The following PTPRS variants were observed in gnomAD, a reference collection of about 807,000 sequenced individuals.
PTPRS encodes protein tyrosine phosphatase receptor type S, also known as receptor-type tyrosine-protein phosphatase S.
PTPRS carries 63 observed loss-of-function variants against 215.3 expected under a neutral mutation model. That is an observed-to-expected ratio of 0.29 (90% CI 0.24 to 0.36). The LOEUF is 0.36. PTPRS is among the 10% of genes least tolerant of loss of function. PTPRS has a pLI of 1.00. For missense variants in PTPRS, 2,258 were observed against 2,825.8 expected (o/e 0.80, Z 4.56); for synonymous variants, 1,404 against 1,191.4 (o/e 1.18, Z -3.68).
chr19:5,306,852 G>A (rs1052046843), intron 1 of PTPRS, among the ~76,000 whole-genome samples: 4 of 152,182 alleles, frequency 2.6e-5, no homozygotes, highest in African/African-American at 9.7e-5. Flanking sequence ...ATTATCTTCC[G>A]AAGTTAAGTT....
At chr19:5,227,638 G>C (rs1382104455) in intron 16 of PTPRS, among the ~76,000 whole-genome samples, 6 of 151,748 alleles carry the variant, frequency 4.0e-5, no homozygotes, top group Non-Finnish European at 2.9e-5. Flanking sequence ...TCGAACTCCT[G>C]ACTTCAGCTG....
intron 13 of PTPRS, 139 bp downstream of exon 13, chr19:5,238,780 G>C: frequency 8.3e-7 from 1 of 1,208,184 alleles, no homozygotes; most frequent in Non-Finnish European, 1.1e-6. Context: ...ATCCGAGGTC[G>C]GGGAACAAAG....
Position 5,222,671 on chromosome 19 carries a change from G to C in PTPRS, c.3103+18C>G. 1 of 1,541,030 alleles carries C rather than the reference G, an allele frequency of 6.5e-7. No individual in the cohort carries two copies. The highest frequency in any genetic ancestry group is 8.7e-7 in the Non-Finnish European group (1 of 1,151,280). On this transcript the variant is annotated intron_variant, in intron 18 of 37. Transcript: ENST00000262963. ...AAGGCCCGGTCCGGCTCTGGTGCAGGGGTCGCCGCGCGCCTACCTTGGTCC... is the reference window on the plus strand; with the variant it reads ...AAGGCCCGGTCCGGCTCTGGTGCAGCGGTCGCCGCGCGCCTACCTTGGTCC...
chr19:5,274,512 C>T (rs1233608094), intron 2 of PTPRS, among the ~76,000 whole-genome samples, 168 bp from the exon 3 acceptor site: 3 of 152,132 alleles, frequency 2.0e-5, no homozygotes, highest in Admixed American at 6.5e-5. Flanking sequence ...CCTCCCACCT[C>T]GCCCCCCACC....
intron 1 of PTPRS, among the ~76,000 whole-genome samples, chr19:5,292,961 G>A (rs971527578): frequency 3.3e-5 from 5 of 152,132 alleles, no homozygotes; most frequent in African/African-American, 1.2e-4. Flanking sequence ...TGAATGGGGG[G>A]GCGCCAGGCA....
intron 1 of PTPRS, among the ~76,000 whole-genome samples, chr19:5,319,460 T>G (rs1007313125): frequency 6.6e-5 from 10 of 151,310 alleles, no homozygotes; most frequent in East Asian, 3.9e-4. Flanking sequence ...TCCACTTGCT[T>G]CTTCTCCCCA....
In PTPRS at chr19:5,258,809, T is replaced by C. The variant is rs189700357; in HGVS notation, c.596-682A>G. Reference sequence around the variant, plus strand: ...TCAAGTATGTTTGAGATCAAAGCCATGGATCCAAGCCTTCTGGCCTGAAAC... The same window carrying C: ...TCAAGTATGTTTGAGATCAAAGCCACGGATCCAAGCCTTCTGGCCTGAAAC... On this transcript the variant is annotated intron_variant, in intron 7 of 37. Coordinates refer to ENST00000262963, the MANE Select transcript of PTPRS (RefSeq NM_002850.4). 3.3e-4 allele frequency among the ~76,000 whole-genome samples: 50 copies of C among 152,330 alleles called. No individual in the cohort carries two copies. In the East Asian group the frequency reaches 8.1e-3, roughly 25 times the overall value.
rs1005268253 is a variant in PTPRS at position 5,229,749 on chromosome 19, G to C, written c.2156-65C>G. 738 of 1,025,248 alleles carry C rather than the reference G, an allele frequency of 7.2e-4. 1 individual carries two copies. The highest frequency in any genetic ancestry group is 1.1e-3 in the Middle Eastern group (3 of 2,798). 63.5% of individuals were successfully genotyped at this position (1,025,248 alleles called of 1,614,324 possible). A position where few individuals can be genotyped will look rare whatever the true frequency, so the allele number is the denominator to read the frequency against. ...TTACCAGGGCGCCCGGCCCTGCCCC[G>C]GGCAGTGCCACTGTCCGATTCCAGG... On this transcript the variant is annotated intron_variant, in intron 14 of 37. Transcript: ENST00000262963.
At chr19:5,233,738 T>TA (rs1379549365) in intron 13 of PTPRS, among the ~76,000 whole-genome samples, 1 of 150,576 alleles carries the variant, frequency 6.6e-6, no homozygotes, top group Non-Finnish European at 1.5e-5. Context: ...GGTCAGGAGT[T>TA]AGAGAGACCA....
At chr19:5,218,838 A>G (rs1344410927) in intron 23 of PTPRS, 40 bp from the exon 24 acceptor site, 1 of 1,573,242 alleles carries the variant, frequency 6.4e-7, no homozygotes, top group Admixed American at 1.8e-5. Flanking sequence ...GGGGGAAAAA[A>G]AGAAGAAAGG....
chr19:5,326,573 C>T (rs912906942), intron 1 of PTPRS, among the ~76,000 whole-genome samples: 3 of 151,934 alleles, frequency 2.0e-5, no homozygotes, highest in Admixed American at 6.6e-5. Flanking sequence ...GTAATCCCAG[C>T]GCTTTGCGAG....
chr19:5,212,347 C>G lies in PTPRS; in HGVS notation c.4759G>C (p.Val1587Leu), dbSNP rs1380942206. 1.1e-5 allele frequency: 18 copies of G among 1,613,144 alleles called. No homozygotes were observed. Among genetic ancestry groups the G allele is most frequent in the Non-Finnish European group, 1.5e-5 (18 of 1,179,686 alleles). The change falls in exon 31 of 38, where the codon GTT (valine) becomes CTT (leucine). Residue 1587 changes from valine to leucine, a missense_variant. By Grantham distance (32) the Val-to-Leu change is conservative (BLOSUM62 1). Around this residue, in one of 6 missense-constraint regions of PTPRS, gnomAD observed 927 missense variants for 1,125.9 expected, o/e 0.82. Transcript: ENST00000262963. ...GTGGGGTGGACGTACCTGCAGTGAA[C>G]CACGATGGGGCCGGCATCTGGCGGG... Reference protein sequence around the residue: ...CNPPDAGPIVVHCSAGVGRTG... With the variant: ...CNPPDAGPIVLHCSAGVGRTG...
chr19:5,230,521 T>C (rs1478735625), intron 14 of PTPRS, among the ~76,000 whole-genome samples: 1 of 152,220 alleles, frequency 6.6e-6, no homozygotes, highest in Admixed American at 6.5e-5. Context: ...TGCAGGGGTA[T>C]GATCACAGCT....
intron 2 of PTPRS, among the ~76,000 whole-genome samples, chr19:5,282,246 G>A (rs957903422): frequency 4.6e-5 from 7 of 152,148 alleles, no homozygotes; most frequent in African/African-American, 1.2e-4. Context: ...ATACCCTCTC[G>A]GTCTTCTCCA....
intron 1 of PTPRS, among the ~76,000 whole-genome samples, chr19:5,325,026 T>G (rs1040818880): frequency 6.6e-6 from 1 of 152,214 alleles, no homozygotes; most frequent in Non-Finnish European, 1.5e-5. Flanking sequence ...ATTTCTCTTT[T>G]CACCTAAGGG....
intron 9 of PTPRS, among the ~76,000 whole-genome samples, chr19:5,253,714 T>G (rs184386743): frequency 6.6e-5 from 10 of 152,310 alleles, no homozygotes; most frequent in Non-Finnish European, 1.2e-4. Flanking sequence ...ACAATTATTT[T>G]TAAAAGTTTC....
intron 1 of PTPRS, among the ~76,000 whole-genome samples, chr19:5,340,350 A>G (rs1469661624): frequency 1.3e-5 from 2 of 150,398 alleles, no homozygotes; most frequent in African/African-American, 4.9e-5. Context: ...GCAGCTTCCA[A>G]TGCCGCGCTC....
intron 36 of PTPRS, 74 bp from the exon 37 acceptor site, chr19:5,208,131 C>A: frequency 1.3e-6 from 2 of 1,577,650 alleles, no homozygotes; most frequent in South Asian, 1.1e-5. Context: ...CCCGATTCCC[C>A]GAGGACTCTA....
rs904714698 is a variant in PTPRS, at chr19:5,338,981, G to C, written c.-95+1683C>G. 6.6e-6 allele frequency among the ~76,000 whole-genome samples: 1 copy of C among 152,198 alleles called. No individual in the cohort carries two copies. The highest frequency in any genetic ancestry group is 1.5e-5 in the Non-Finnish European group (1 of 68,034). ...AGCCAAAGTCCGGGTGGTGGCGGAC[G>C]GGAGCCCGGAGCGTGTGGGTCCCTG... On this transcript the variant is annotated intron_variant, in intron 1 of 37. Coordinates refer to ENST00000262963, the MANE Select transcript of PTPRS (RefSeq NM_002850.4). This position sits in a 1 kb window ranked among gnomAD's most constrained non-coding sequence, Gnocchi z 4.2.
Sources: allele counts gnomAD v4.1 joint callset (sites outside exome capture counted in the v4.1 genomes callset), GRCh38; gene constraint gnomAD v4.1.1; regional missense constraint gnomAD v4.1.1; non-coding constraint Gnocchi (gnomAD v3.1); transcripts MANE v1.5; gene names NCBI Gene and HGNC (gene_info 2026-07-23, HGNC 2026-07-21).